ZNF469: variants seen among roughly 807,000 people sequenced by gnomAD.
ZNF469 encodes zinc finger protein 469.
Under a neutral mutation model 1.0 loss-of-function variants are expected in ZNF469, and 1 was observed. The observed-to-expected ratio is 1.00, with a 90% CI of 0.35 to 4.73. ZNF469 has a LOEUF of 4.73. Ranked by LOEUF, ZNF469 falls within the 30% of genes most tolerant of loss-of-function variation. The pLI, the probability that ZNF469 is intolerant of heterozygous loss-of-function variation, is 0.16. For synonymous variants in ZNF469, 2,703 were observed against 2,363.4 expected (o/e 1.14, Z -4.17); for missense variants, 6,100 against 5,356.3 (o/e 1.14, Z -4.33).
intron 1 of ZNF469, among the ~76,000 whole-genome samples, chr16:88,410,385 C>T (rs1202311855): frequency 2.7e-5 from 4 of 150,746 alleles, no homozygotes; most frequent in Admixed American, 1.3e-4. Context: ...TTTACGGTGA[C>T]GTCTATGATG....
intron 1 of ZNF469, among the ~76,000 whole-genome samples, chr16:88,404,512 G>C (rs1904972929): frequency 6.6e-6 from 1 of 152,244 alleles, no homozygotes; most frequent in Admixed American, 6.5e-5. Flanking sequence ...GGGAGAGGAA[G>C]GGGCAGCTGT....
At chr16:88,387,249 G>A (rs1357499285) in intron 1 of ZNF469, among the ~76,000 whole-genome samples, 3 of 152,210 alleles carry the variant, frequency 2.0e-5, no homozygotes, top group Non-Finnish European at 4.4e-5. Context: ...CCGGAGGGTT[G>A]CGGCCTTGGC....
chr16:88,366,810 A>G, the ZNF469 span, among the ~76,000 whole-genome samples: 2 of 151,172 alleles, frequency 1.3e-5, no homozygotes, highest in Non-Finnish European at 2.9e-5. Context: ...CATTACTGTC[A>G]TCACCACCAC....
At chr16:88,352,001 C>T in the ZNF469 span, among the ~76,000 whole-genome samples, 1 of 152,208 alleles carries the variant, frequency 6.6e-6, no homozygotes, top group Non-Finnish European at 1.5e-5. Flanking sequence ...CTCACCACGA[C>T]ACAGAGAAAC....
In ZNF469 at chr16:88,439,139, G is replaced by A; in HGVS notation, c.11669G>A (p.Arg3890Lys). 6.4e-7 allele frequency: 1 copy of A among 1,550,750 alleles called. No individual in the cohort carries two copies. The highest frequency in any genetic ancestry group is 8.7e-7 in the Non-Finnish European group (1 of 1,146,986). The change falls in exon 3 of 3, where the codon AGA (arginine) becomes AAA (lysine). Residue 3890 changes from arginine (R) to lysine (K), a missense_variant. Arg to Lys is a conservative substitution (Grantham distance 26). Coordinates refer to ENST00000565624, the MANE Select transcript of ZNF469 (RefSeq NM_001367624.2). The stretch of plus-strand genomic sequence containing the variant: ...CCGGGCCACACACAGAGGAAGGACA[G>A]ACTGGGCAAGGCCTTCCCCCAGGGG... ...AEPGHTQRKD[R>K]LGKAFPQGRP...
chr16:88,306,005 A>T, the ZNF469 span, among the ~76,000 whole-genome samples: 1 of 152,152 alleles, frequency 6.6e-6, no homozygotes. Context: ...CCCACACCCC[A>T]TGCAGCCATA....
chr16:88,413,306 T>C (rs1905224316), intron 1 of ZNF469, among the ~76,000 whole-genome samples: 1 of 152,160 alleles, frequency 6.6e-6, no homozygotes, highest in Non-Finnish European at 1.5e-5. Flanking sequence ...ACAGACCCGC[T>C]CTGTCTCTCC....
chr16:88,163,583 T>C, the ZNF469 span, among the ~76,000 whole-genome samples: 2 of 145,786 alleles, frequency 1.4e-5, no homozygotes, highest in Non-Finnish European at 3.0e-5. Context: ...AATAGTAGGG[T>C]AGATGGATGG....
At chr16:88,181,365 C>T in the ZNF469 span, among the ~76,000 whole-genome samples, 15 of 152,270 alleles carry the variant, frequency 9.9e-5, no homozygotes, top group East Asian at 1.7e-3. Flanking sequence ...CCACCACTCC[C>T]GGCCAGAATA....
rs1906243073 is a variant in ZNF469 at position 88,432,201 on chromosome 16, G to C, written c.4731G>C (p.Arg1577Ser). Residue 1577 changes from arginine (R) to serine (S), a missense_variant, in exon 3 of 3, where the codon AGG becomes AGC. By Grantham distance (110) the Arg-to-Ser change is moderately radical (BLOSUM62 -1). Coordinates refer to ENST00000565624, the MANE Select transcript of ZNF469 (RefSeq NM_001367624.2). ...CCGAATTAGAAAGTCAGCTGCAAAGGAGCAAAGACACACGTGGGGCCCCGA... is the reference window on the plus strand; with the variant it reads ...CCGAATTAGAAAGTCAGCTGCAAAGCAGCAAAGACACACGTGGGGCCCCGA... ...LVTELESQLQ[R>S]SKDTRGAPRE... 1 of 1,550,196 alleles carries C rather than the reference G, an allele frequency of 6.5e-7. No individual in the cohort carries two copies. The highest frequency in any genetic ancestry group is 8.7e-7 in the Non-Finnish European group (1 of 1,146,980).
the ZNF469 span, among the ~76,000 whole-genome samples, chr16:88,201,847 G>T: frequency 6.6e-6 from 1 of 152,216 alleles, no homozygotes; most frequent in African/African-American, 2.4e-5. The surrounding 1 kb of genome is among the most constrained non-coding windows in gnomAD (Gnocchi z 5.0). Context: ...CAGGGGTGGG[G>T]GAGCTCTGAA....
chr16:88,319,885 GA>G, the ZNF469 span, among the ~76,000 whole-genome samples: 1 of 152,248 alleles, frequency 6.6e-6, no homozygotes, highest in Admixed American at 6.5e-5. Flanking sequence ...ATCTTCCAAG[GA>G]AAGGTTTTCT....
At chr16:88,410,663 C>G (rs1490183259) in intron 1 of ZNF469, among the ~76,000 whole-genome samples, 1 of 148,978 alleles carries the variant, frequency 6.7e-6, no homozygotes, top group African/African-American at 2.5e-5. Flanking sequence ...TGGTGCAAGT[C>G]ACGTGGTCAT....
the ZNF469 span, among the ~76,000 whole-genome samples, chr16:88,194,113 C>G: frequency 6.6e-6 from 1 of 152,160 alleles, no homozygotes; most frequent in Non-Finnish European, 1.5e-5. Context: ...TTGGTTTATT[C>G]CCCCCTCCGC....
At chr16:88,248,241 T>A in the ZNF469 span, among the ~76,000 whole-genome samples, 1 of 152,202 alleles carries the variant, frequency 6.6e-6, no homozygotes, top group Non-Finnish European at 1.5e-5. Context: ...TAGAAGTGCA[T>A]TTAGTAACCA....
the ZNF469 span, among the ~76,000 whole-genome samples, chr16:88,142,203 C>G: frequency 6.6e-6 from 1 of 152,246 alleles, no homozygotes; most frequent in African/African-American, 2.4e-5. Context: ...GAGAATAAAT[C>G]AGCTGTCCTT....
the ZNF469 span, among the ~76,000 whole-genome samples, chr16:88,133,920 C>G: frequency 5.3e-5 from 8 of 152,166 alleles, no homozygotes; most frequent in Non-Finnish European, 1.2e-4. Flanking sequence ...ATGGTGAAAC[C>G]CTGTCTCTAC....
intron 1 of ZNF469, among the ~76,000 whole-genome samples, chr16:88,423,435 C>T (rs1905570277): frequency 6.6e-6 from 1 of 152,174 alleles, no homozygotes; most frequent in Admixed American, 6.5e-5. Context: ...CATGCTTCCT[C>T]CTGTGACACA....
At chr16:88,256,935 TTTCTTTC>T in the ZNF469 span, among the ~76,000 whole-genome samples, 1 of 3,432 alleles carries the variant, frequency 2.9e-4, no homozygotes, top group Non-Finnish European at 1.2e-3. Context: ...TCTTTCTTTC[TTTCTTTC>T]TTTCTTTCTT....
Sources: allele counts gnomAD v4.1 joint callset (sites outside exome capture counted in the v4.1 genomes callset), GRCh38; gene constraint gnomAD v4.1.1; non-coding constraint Gnocchi (gnomAD v3.1); transcripts MANE v1.5; gene names NCBI Gene and HGNC (gene_info 2026-07-23, HGNC 2026-07-21).